PCDHGA2: variants seen among roughly 807,000 people sequenced by gnomAD.
The protein encoded by PCDHGA2 is protocadherin gamma subfamily A, 2.
PCDHGA2 carries 40 observed loss-of-function variants against 59.2 expected under a neutral mutation model. That is an observed-to-expected ratio of 0.68 (90% CI 0.52 to 0.88). The LOEUF is 0.88. PCDHGA2 is among the 40% of genes least tolerant of loss of function. The pLI, the probability that PCDHGA2 is intolerant of heterozygous loss-of-function variation, is 0.00. For synonymous variants in PCDHGA2, 560 were observed against 526.0 expected (o/e 1.06, Z -0.89); for missense variants, 1,226 against 1,204.0 (o/e 1.02, Z -0.27).
intron 1 of PCDHGA2, chr5:141,403,191 G>T (rs368387997): frequency 6.2e-7 from 1 of 1,613,994 alleles, no homozygotes; most frequent in Non-Finnish European, 8.5e-7. Flanking sequence ...CTGAACCCGC[G>T]CAGCGGCACC....
chr5:141,491,110 C>T lies in PCDHGA2; in HGVS notation c.2425-3697C>T. On this transcript the variant is annotated intron_variant, in intron 1 of 3. Transcript: ENST00000394576. This position sits in a 1 kb window ranked among gnomAD's most constrained non-coding sequence, Gnocchi z 6.9. ...CCCAGGACTGTTCCTCGTGTCTACA[C>T]ACACTGGTGAGGTGCGCACAGCCCG... 3.7e-6 allele frequency: 6 copies of T among 1,614,212 alleles called. No individual in the cohort carries two copies. Among genetic ancestry groups the T allele is most frequent in the Non-Finnish European group, 5.1e-6 (6 of 1,180,024 alleles).
At chr5:141,458,728 T>A (rs1010109573) in intron 1 of PCDHGA2, among the ~76,000 whole-genome samples, 1 of 151,870 alleles carries the variant, frequency 6.6e-6, no homozygotes, top group Non-Finnish European at 1.5e-5. Context: ...CGCCACCACA[T>A]CCAGCTATTG....
intron 1 of PCDHGA2, chr5:141,370,473 C>A: frequency 6.2e-7 from 1 of 1,613,496 alleles, no homozygotes; most frequent in Non-Finnish European, 8.5e-7. Flanking sequence ...TTTGTTAGAC[C>A]AGGCTCTCTC....
intron 1 of PCDHGA2, among the ~76,000 whole-genome samples, chr5:141,459,646 T>C (rs2098972004): frequency 6.6e-6 from 1 of 152,266 alleles, no homozygotes; most frequent in Non-Finnish European, 1.5e-5. Context: ...TTTTTCAAAA[T>C]GGTAATATCA....
At chr5:141,360,296 T>C (rs1304247078) in intron 1 of PCDHGA2, 1 of 1,613,922 alleles carries the variant, frequency 6.2e-7, no homozygotes, top group African/African-American at 1.3e-5. Context: ...GCCAAGGATC[T>C]GGGGCTCAGC....
At chr5:141,502,782 T>C (rs1200280465) in intron 2 of PCDHGA2, among the ~76,000 whole-genome samples, 1 of 152,132 alleles carries the variant, frequency 6.6e-6, no homozygotes, top group African/African-American at 2.4e-5. Context: ...GAAAATTACC[T>C]GGATGATTTC....
At chr5:141,509,136 C>T (rs1217992935) in intron 3 of PCDHGA2, among the ~76,000 whole-genome samples, 1 of 152,142 alleles carries the variant, frequency 6.6e-6, no homozygotes, top group Non-Finnish European at 1.5e-5. Context: ...AAAACCGAGG[C>T]GCATCCCGGC....
At position 141,355,636 on chromosome 5, in the gene PCDHGA2, G is replaced by A. The variant is rs763658720; in HGVS notation, c.2424+14241G>A. Reference sequence around the variant, plus strand: ...GAGGGAAATAAAAGTTGCTGAAAATGAAAATCCTGGGGCAAGATTTCCTCT... The same window carrying A: ...GAGGGAAATAAAAGTTGCTGAAAATAAAAATCCTGGGGCAAGATTTCCTCT... On this transcript the variant is annotated intron_variant, in intron 1 of 3. Coordinates refer to ENST00000394576, the MANE Select transcript of PCDHGA2 (RefSeq NM_018915.4). 1.4e-5 allele frequency: 22 copies of A among 1,613,866 alleles called. No homozygotes were observed. The Admixed American group carries it at 3.7e-4, about 27-fold the overall frequency.
rs201825683 is a variant in PCDHGA2 at position 141,404,916 on chromosome 5, C to T, written c.2424+63521C>T. The T allele has an allele frequency of 1.5e-4, 243 of 1,613,780 alleles. No homozygotes were observed. The highest frequency in any genetic ancestry group is 1.1e-4 in the Non-Finnish European group (126 of 1,179,862). ...CAGGACCATGGCCAGCCCCCTCTCTCGGCCACTGTCACGCTCACAGTAGCC... is the reference window on the plus strand; with the variant it reads ...CAGGACCATGGCCAGCCCCCTCTCTTGGCCACTGTCACGCTCACAGTAGCC... On this transcript the variant is annotated intron_variant, in intron 1 of 3. Transcript: ENST00000394576.
rs754484790 is a variant in PCDHGA2 at position 141,340,969 on chromosome 5, C to G, written c.1998C>G (p.Asp666Glu). Reference sequence around the variant, plus strand: ...TCACGCTCACCGTGGCCGTGGCCGACAGGATCCCCGACATCCTGGCCGACC... The same window carrying G: ...TCACGCTCACCGTGGCCGTGGCCGAGAGGATCCCCGACATCCTGGCCGACC... ...ATVTLTVAVA[D>E]RIPDILADLG... Residue 666 changes from aspartate to glutamate, a missense_variant, in exon 1 of 4, where the codon GAC becomes GAG. Asp to Glu is a conservative substitution (Grantham distance 45). Coordinates refer to ENST00000394576, the MANE Select transcript of PCDHGA2 (RefSeq NM_018915.4). 1.9e-6 allele frequency: 3 copies of G among 1,613,816 alleles called. No homozygotes were observed. The highest frequency in any genetic ancestry group is 2.2e-5 in the East Asian group (1 of 44,876).
chr5:141,365,408 T>C, intron 1 of PCDHGA2: 1 of 1,614,004 alleles, frequency 6.2e-7, no homozygotes, highest in Non-Finnish European at 8.5e-7. Flanking sequence ...CTCTGAAGAC[T>C]GTCTTCCCGG....
intron 1 of PCDHGA2, chr5:141,423,753 G>GC (rs1489142243): frequency 4.8e-6 from 3 of 626,014 alleles, no homozygotes; most frequent in African/African-American, 5.1e-5. Context: ...AACTGTTTGG[G>GC]GGGGGGGTGG....
intron 1 of PCDHGA2, among the ~76,000 whole-genome samples, chr5:141,358,322 G>A (rs1185859053): frequency 6.6e-6 from 1 of 152,192 alleles, no homozygotes; most frequent in Non-Finnish European, 1.5e-5. Context: ...TCTTTCTCAT[G>A]AAGCTATTGT....
chr5:141,478,378 G>C, intron 1 of PCDHGA2: 1 of 1,613,558 alleles, frequency 6.2e-7, no homozygotes, highest in Non-Finnish European at 8.5e-7. Flanking sequence ...TGATGTCGCC[G>C]CACCTTTACC....
chr5:141,352,323 T>C, intron 1 of PCDHGA2: 6 of 1,614,060 alleles, frequency 3.7e-6, no homozygotes, highest in Non-Finnish European at 5.1e-6. Context: ...CAGTTTTACC[T>C]GGTTGTGGCC....
chr5:141,383,179 G>A (rs1387934089), intron 1 of PCDHGA2: 2 of 1,614,006 alleles, frequency 1.2e-6, no homozygotes, highest in Admixed American at 1.7e-5. Context: ...AGACCGGGAA[G>A]AGATCTGCGC....
intron 1 of PCDHGA2, chr5:141,413,182 G>A (rs752788034): frequency 6.2e-7 from 1 of 1,604,164 alleles, no homozygotes; most frequent in Non-Finnish European, 8.5e-7. Context: ...TACAATGGCC[G>A]CTCAAAGGAA....
At chr5:141,379,433 T>G (rs1775597873) in intron 1 of PCDHGA2, 1 of 152,256 alleles carries the variant, frequency 6.6e-6, no homozygotes. Flanking sequence ...AGATGGGCTG[T>G]TATACATATG....
chr5:141,485,416 C>T lies in PCDHGA2; in HGVS notation c.2425-9391C>T, dbSNP rs1311879785. On this transcript the variant is annotated intron_variant, in intron 1 of 3. Coordinates refer to ENST00000394576, the MANE Select transcript of PCDHGA2 (RefSeq NM_018915.4). This position sits in a 1 kb window ranked among gnomAD's most constrained non-coding sequence, Gnocchi z 5.7. Reference sequence around the variant, plus strand: ...GACACTTCCGTGTGGATTTGGACAGCGGAGCCCTGCTCATCAAGAACCCAA... The same window carrying T: ...GACACTTCCGTGTGGATTTGGACAGTGGAGCCCTGCTCATCAAGAACCCAA... 10 of 1,613,988 alleles carry T rather than the reference C, an allele frequency of 6.2e-6. No individual in the cohort carries two copies. Among genetic ancestry groups the T allele is most frequent in the South Asian group, 4.4e-5 (4 of 91,086 alleles).
Sources: allele counts gnomAD v4.1 joint callset (sites outside exome capture counted in the v4.1 genomes callset), GRCh38; gene constraint gnomAD v4.1.1; non-coding constraint Gnocchi (gnomAD v3.1); transcripts MANE v1.5; gene names NCBI Gene and HGNC (gene_info 2026-07-23, HGNC 2026-07-21).